NECAP2: variants seen among roughly 807,000 people sequenced by gnomAD.
NECAP2 encodes the protein NECAP endocytosis associated 2, also known as adaptin ear-binding coat-associated protein 2.
Under a neutral mutation model 37.8 loss-of-function variants are expected in NECAP2, and 38 were observed. The observed-to-expected ratio is 1.01, with a 90% CI of 0.78 to 1.32. NECAP2 has a LOEUF of 1.32. Ranked by LOEUF, NECAP2 falls within the 40% of genes most tolerant of loss-of-function variation. NECAP2 has a pLI of 0.00. For missense variants in NECAP2, 316 were observed against 334.5 expected (o/e 0.94, Z 0.43); for synonymous variants, 121 against 127.7 (o/e 0.95, Z 0.35).
chr1:16,459,192 G>C lies in NECAP2; in HGVS notation c.*302G>C. 2.1e-6 allele frequency: 1 copy of C among 480,236 alleles called. No homozygotes were observed. 29.7% of individuals were successfully genotyped at this position (480,236 alleles called of 1,614,324 possible). A position where few individuals can be genotyped will look rare whatever the true frequency, so the allele number is the denominator to read the frequency against. ...GAGACTTCTTCCATCGCAATGACCT[G>C]TATTAAACACAAGCCCCCCAAGCAA... On this transcript the variant is annotated 3_prime_UTR_variant, in exon 8 of 8. Transcript: ENST00000337132.
At position 16,455,819 on chromosome 1, in the gene NECAP2, A is replaced by C; in HGVS notation, c.669A>C (p.Gly223=). 1 of 1,613,286 alleles carries C rather than the reference A, an allele frequency of 6.2e-7. No homozygotes were observed. Among genetic ancestry groups the C allele is most frequent in the Non-Finnish European group, 8.5e-7 (1 of 1,179,326 alleles). The stretch of plus-strand genomic sequence containing the variant: ...GGTCGGACTCGGGAACATCAATAGG[A>C]GGTGCTCCTGTACCCTGGCCACAGC... ...LVQPAVAPSS[G]GAPVPWPQPN... is the part of the protein sequence containing the mutation. Residue 223 remains glycine (G), a splice_region_variant and synonymous_variant, in exon 7 of 8, where the codon GGA becomes GGC. Coordinates refer to ENST00000337132, the MANE Select transcript of NECAP2 (RefSeq NM_018090.5).
At chr1:16,451,526 T>C in intron 5 of NECAP2, 1 of 352,554 alleles carries the variant, frequency 2.8e-6, no homozygotes, top group Non-Finnish European at 5.2e-6. Context: ...CTTCATATCG[T>C]AGTCAATACT....
intron 6 of NECAP2, among the ~76,000 whole-genome samples, chr1:16,454,229 T>C (rs1205655271): frequency 6.6e-6 from 1 of 150,478 alleles, no homozygotes; most frequent in East Asian, 2.0e-4. Flanking sequence ...GTGGCTAATT[T>C]TGTATTTTTA....
intron 6 of NECAP2, among the ~76,000 whole-genome samples, chr1:16,453,809 A>G (rs965324505): frequency 6.6e-6 from 1 of 151,938 alleles, no homozygotes; most frequent in African/African-American, 2.4e-5. Flanking sequence ...TTTTAACAGC[A>G]TTTTAATTTT....
intron 6 of NECAP2, among the ~76,000 whole-genome samples, chr1:16,452,893 C>G (rs79592386): frequency 0.01 from 1,578 of 152,196 alleles, 26 homozygotes; most frequent in African/African-American, 0.037. Context: ...AGCCTTCCTG[C>G]TTTACTGATT....
Position 16,440,779 on chromosome 1 carries a change from C to G in NECAP2, c.18C>G (p.Tyr6Ter). The G allele has an allele frequency of 6.2e-7, 1 of 1,614,090 alleles. No homozygotes were observed. Among genetic ancestry groups the G allele is most frequent in the Non-Finnish European group, 8.5e-7 (1 of 1,179,980 alleles). The change falls in exon 1 of 8, where the codon TAC becomes TAG. Residue 6 changes from tyrosine to a stop codon, truncating the protein, a stop_gained. Transcript: ENST00000337132. LOFTEE classifies it high-confidence loss of function. Reference sequence around the variant, plus strand: ...GCGTCGCGATGGAGGAGAGCGGGTACGAGTCGGTGCTCTGTGTCAAGCCTG... The same window carrying G: ...GCGTCGCGATGGAGGAGAGCGGGTAGGAGTCGGTGCTCTGTGTCAAGCCTG... MEESG[Y>*]ESVLCVKPDV...
At position 16,459,308 on chromosome 1, in the gene NECAP2, C is replaced by T. The variant is rs982810717; in HGVS notation, c.*418C>T. 2.7e-5 allele frequency: 5 copies of T among 182,186 alleles called. No homozygotes were observed. The highest frequency in any genetic ancestry group is 1.1e-5 in the Non-Finnish European group (1 of 88,272). The allele number at this position is 182,186 out of a possible 1,614,324, so 11.3% of individuals were successfully genotyped here. On this transcript the variant is annotated 3_prime_UTR_variant, in exon 8 of 8. Coordinates refer to ENST00000337132, the MANE Select transcript of NECAP2 (RefSeq NM_018090.5). ...GATCACAGTTCAGCGGGAGGCTTTCCGTACCCACACTGGCTGTAGCCACTT... is the reference window on the plus strand; with the variant it reads ...GATCACAGTTCAGCGGGAGGCTTTCTGTACCCACACTGGCTGTAGCCACTT...
intron 1 of NECAP2, chr1:16,441,625 C>T (rs1012096157): frequency 1.3e-5 from 2 of 152,178 alleles, no homozygotes; most frequent in Non-Finnish European, 2.9e-5. Flanking sequence ...GACAACCTGG[C>T]CTATGGCTAT....
Position 16,451,980 on chromosome 1 carries a change from G to T in NECAP2, c.632G>T (p.Gly211Val). ...CCTGGGGAGCAGTTGGCTGTGGGGG[G>T]ATCCCTCGTCCAGCCAGCAGTTGCT... ...PPPGEQLAVG[G>V]SLVQPAVAPS... Residue 211 changes from glycine to valine, a missense_variant, in exon 6 of 8, where the codon GGA becomes GTA. Physicochemically the swap from Gly to Val is moderately radical, Grantham distance 109. Around this residue, in one of 3 missense-constraint regions of NECAP2, gnomAD observed 204 missense variants for 188.6 expected, o/e 1.08. Coordinates refer to ENST00000337132, the MANE Select transcript of NECAP2 (RefSeq NM_018090.5). The T allele has an allele frequency of 6.2e-7, 1 of 1,606,404 alleles. No homozygotes were observed. Among genetic ancestry groups the T allele is most frequent in the Non-Finnish European group, 8.5e-7 (1 of 1,175,992 alleles).
At chr1:16,457,123 A>G (rs2086932671) in intron 7 of NECAP2, among the ~76,000 whole-genome samples, 1 of 152,224 alleles carries the variant, frequency 6.6e-6, no homozygotes, top group Admixed American at 6.5e-5. Context: ...ATGTAAATAA[A>G]TCAGCATGGC....
chr1:16,450,102 G>A (rs2086819203), intron 5 of NECAP2: 1 of 436,278 alleles, frequency 2.3e-6, no homozygotes, highest in Admixed American at 2.6e-5. Context: ...CTTCGTGCTG[G>A]TGATGATTTG....
chr1:16,447,700 G>T (rs1272479507), intron 2 of NECAP2, among the ~76,000 whole-genome samples, 170 bp from the exon 3 acceptor site: 5 of 152,192 alleles, frequency 3.3e-5, no homozygotes, highest in African/African-American at 1.2e-4. Flanking sequence ...TATATTTTCT[G>T]TGTCTTCCCT....
intron 1 of NECAP2, chr1:16,441,058 C>T: frequency 1.8e-6 from 1 of 570,392 alleles, no homozygotes; most frequent in Non-Finnish European, 3.1e-6. Context: ...GGACTCCTGG[C>T]GGCGGGGAGG....
chr1:16,453,680 G>A (rs1204499349), intron 6 of NECAP2, among the ~76,000 whole-genome samples: 1 of 151,516 alleles, frequency 6.6e-6, no homozygotes, highest in African/African-American at 2.4e-5. Flanking sequence ...GTAGAGACAG[G>A]GTTTCACTGT....
chr1:16,452,569 A>C (rs912959284), intron 6 of NECAP2, among the ~76,000 whole-genome samples: 6 of 152,156 alleles, frequency 3.9e-5, no homozygotes, highest in African/African-American at 1.2e-4. Context: ...TGGGTACAGC[A>C]TAAGGTGTGC....
intron 6 of NECAP2, among the ~76,000 whole-genome samples, chr1:16,452,817 C>A (rs1332006674): frequency 1.4e-5 from 2 of 147,722 alleles, no homozygotes; most frequent in African/African-American, 4.9e-5. Flanking sequence ...TCCTGGCCTT[C>A]CCCAGGCTGG....
intron 5 of NECAP2, chr1:16,450,416 C>T (rs1389958654): frequency 3.6e-6 from 1 of 276,008 alleles, no homozygotes. Context: ...ATAACTGGCA[C>T]AGCTGTGCTC....
intron 6 of NECAP2, 49 bp from the exon 7 acceptor site, chr1:16,455,769 C>T: frequency 6.8e-7 from 1 of 1,468,406 alleles, no homozygotes; most frequent in Non-Finnish European, 9.5e-7. Flanking sequence ...TCTCTGACTT[C>T]TCTGTCCCCT....
At chr1:16,446,578 C>G (rs1340546128) in intron 2 of NECAP2, among the ~76,000 whole-genome samples, 1 of 148,010 alleles carries the variant, frequency 6.8e-6, no homozygotes. Flanking sequence ...TTTTTTTTTT[C>G]TTGTCATGTT....
Sources: allele counts gnomAD v4.1 joint callset (sites outside exome capture counted in the v4.1 genomes callset), GRCh38; gene constraint gnomAD v4.1.1; regional missense constraint gnomAD v4.1.1; transcripts MANE v1.5; gene names NCBI Gene and HGNC (gene_info 2026-07-23, HGNC 2026-07-21).